LDB2: variants seen among roughly 807,000 people sequenced by gnomAD.
The protein encoded by LDB2 is LIM domain binding 2.
Under a neutral mutation model 44.3 loss-of-function variants are expected in LDB2, and 12 were observed. The ratio of observed to expected loss-of-function variants is 0.27; its 90% CI spans 0.17 to 0.44. The LOEUF (loss-of-function observed/expected upper bound fraction) is 0.44, where lower values mean the gene tolerates loss of function less well. Among genes scored for constraint, LDB2 ranks in the 20% least tolerant of loss-of-function variants. The pLI, the probability that LDB2 is intolerant of heterozygous loss-of-function variation, is 1.00. For synonymous variants in LDB2, 164 were observed against 174.8 expected, an observed-to-expected ratio of 0.94 and a Z score of 0.49; for missense variants, 344 against 473.5, an observed-to-expected ratio of 0.73 and a Z score of 2.54.
At chr4:16,822,671 C>T (rs575163843) in intron 1 of LDB2, among the ~76,000 whole-genome samples, 11 of 151,990 alleles carry the variant, frequency 7.2e-5, no homozygotes, top group Admixed American at 2.6e-4. Context: ...CGTGCCACCA[C>T]GCCCGGCTAA....
At chr4:16,760,074 A>G (rs970308953) in intron 1 of LDB2, among the ~76,000 whole-genome samples, 1 of 152,206 alleles carries the variant, frequency 6.6e-6, no homozygotes, top group African/African-American at 2.4e-5. Flanking sequence ...ACAGAGTGTC[A>G]TATTTACAGG....
In LDB2 at chr4:16,848,542, T is replaced by C. The variant is rs541783664; in HGVS notation, c.132+49812A>G. On this transcript the variant is annotated intron_variant, in intron 1 of 7. Coordinates refer to ENST00000304523, the MANE Select transcript of LDB2 (RefSeq NM_001290.5). ...GAAGAATATTTGGCCTTCAGAGACA[T>C]CCAACAATGGAGTGGGCAGCCTAAG... is the stretch of plus-strand genomic sequence containing the variant. 4.6e-5 allele frequency among the ~76,000 whole-genome samples: 7 copies of C among 152,250 alleles called. No individual in the cohort carries two copies. The East Asian group carries it at 1.4e-3, about 29-fold the overall frequency.
chr4:16,588,665 A>G, intron 4 of LDB2, 45 bp downstream of exon 4: 2 of 1,598,138 alleles, frequency 1.3e-6, no homozygotes, highest in Non-Finnish European at 8.6e-7. Flanking sequence ...GAAATGAAGG[A>G]GGAAAAAAAA....
chr4:16,847,705 C>T (rs1157304216), intron 1 of LDB2, among the ~76,000 whole-genome samples: 1 of 152,170 alleles, frequency 6.6e-6, no homozygotes, highest in Non-Finnish European at 1.5e-5. Context: ...CAAGCTCCGC[C>T]TCCAGGGTTC....
chr4:16,787,981 T>C (rs1469142343), intron 1 of LDB2, among the ~76,000 whole-genome samples: 1 of 152,224 alleles, frequency 6.6e-6, no homozygotes, highest in Non-Finnish European at 1.5e-5. Context: ...GACCACTCTC[T>C]TTCTTCCTAT....
At chr4:16,892,642 T>C (rs2110528606) in intron 1 of LDB2, among the ~76,000 whole-genome samples, 1 of 152,326 alleles carries the variant, frequency 6.6e-6, no homozygotes, top group South Asian at 2.1e-4. Context: ...TTTATAAAGT[T>C]GGATGTTTGG....
chr4:16,694,915 AAGG>A (rs1465238603), intron 2 of LDB2, among the ~76,000 whole-genome samples: 1 of 152,198 alleles, frequency 6.6e-6, no homozygotes, highest in Non-Finnish European at 1.5e-5. Context: ...CTATCAATGC[AAGG>A]AGTTCATGGC....
intron 2 of LDB2, among the ~76,000 whole-genome samples, chr4:16,601,717 T>C (rs532485525): frequency 2.6e-5 from 4 of 152,196 alleles, no homozygotes; most frequent in African/African-American, 9.6e-5. Context: ...AATTCTGCTA[T>C]ATCTCAAAAA....
At chr4:16,522,524 G>A (rs973902749) in intron 5 of LDB2, among the ~76,000 whole-genome samples, 6 of 152,132 alleles carry the variant, frequency 3.9e-5, no homozygotes, top group Non-Finnish European at 7.3e-5. Flanking sequence ...TAAAATATAT[G>A]AGCAAAAGTA....
At chr4:16,508,967 G>A (rs1221473124) in intron 6 of LDB2, among the ~76,000 whole-genome samples, 1 of 151,866 alleles carries the variant, frequency 6.6e-6, no homozygotes, top group Non-Finnish European at 1.5e-5. Context: ...TATTTTTTAG[G>A]TATGTAACTA....
chr4:16,548,163 G>A (rs144035008), intron 5 of LDB2, among the ~76,000 whole-genome samples: 437 of 152,106 alleles, frequency 2.9e-3, no homozygotes, highest in South Asian at 0.016. Context: ...CAAGGTTAGC[G>A]AGTCCTTGTC....
chr4:16,890,701 C>T (rs914812853), intron 1 of LDB2, among the ~76,000 whole-genome samples: 3 of 152,150 alleles, frequency 2.0e-5, no homozygotes, highest in Non-Finnish European at 4.4e-5. Flanking sequence ...GAACTGAGGC[C>T]TCGGTTGCTT....
At chr4:16,552,131 G>A (rs777955466) in intron 5 of LDB2, among the ~76,000 whole-genome samples, 1 of 151,856 alleles carries the variant, frequency 6.6e-6, no homozygotes, top group Admixed American at 6.6e-5. Flanking sequence ...ATTATATTTT[G>A]TGTACCTGTT....
chr4:16,597,996 TC>T (rs1406572632), intron 2 of LDB2, among the ~76,000 whole-genome samples: 1 of 152,206 alleles, frequency 6.6e-6, no homozygotes, highest in Non-Finnish European at 1.5e-5. Flanking sequence ...CAGCCCTGTT[TC>T]CTTTGTGAGC....
intron 1 of LDB2, among the ~76,000 whole-genome samples, chr4:16,891,759 T>C (rs1723478821): frequency 6.6e-6 from 1 of 152,194 alleles, no homozygotes; most frequent in South Asian, 2.1e-4. Flanking sequence ...CAGAATCAAG[T>C]TAGTGAATGG....
intron 2 of LDB2, among the ~76,000 whole-genome samples, chr4:16,619,310 G>C (rs547644537): frequency 6.6e-6 from 1 of 152,158 alleles, no homozygotes; most frequent in Non-Finnish European, 1.5e-5. Context: ...CTGATCAGGA[G>C]AACTCCATCC....
intron 2 of LDB2, among the ~76,000 whole-genome samples, chr4:16,744,206 G>A (rs1196670932): frequency 2.0e-5 from 3 of 152,216 alleles, no homozygotes; most frequent in Non-Finnish European, 4.4e-5. Context: ...ACCCAGGCTG[G>A]AGTGCAGTGG....
At chr4:16,798,675 GT>G (rs1777189865) in intron 1 of LDB2, among the ~76,000 whole-genome samples, 1 of 152,106 alleles carries the variant, frequency 6.6e-6, no homozygotes, top group Admixed American at 6.5e-5. Context: ...GGCCTTCTCT[GT>G]AAGAACAGAA....
intron 2 of LDB2, among the ~76,000 whole-genome samples, chr4:16,738,541 C>A (rs1445143953): frequency 1.3e-5 from 2 of 152,126 alleles, no homozygotes; most frequent in Admixed American, 6.6e-5. Context: ...GAAAGTTAAC[C>A]CTTTGGTACA....
Sources: allele counts gnomAD v4.1 joint callset (sites outside exome capture counted in the v4.1 genomes callset), GRCh38; gene constraint gnomAD v4.1.1; transcripts MANE v1.5; gene names NCBI Gene and HGNC (gene_info 2026-07-23, HGNC 2026-07-21).